JAG1: variants seen among roughly 807,000 people sequenced by gnomAD.
The protein encoded by JAG1 is jagged canonical Notch ligand 1.
In JAG1, 23 loss-of-function variants were observed where a neutral mutation model predicts 148.7. That is an observed-to-expected ratio of 0.15 (90% CI 0.11 to 0.22). The LOEUF (loss-of-function observed/expected upper bound fraction) is 0.22. Ranked by LOEUF, JAG1 falls within the 10% of genes least tolerant of loss-of-function variation. The pLI, the probability that JAG1 is intolerant of heterozygous loss-of-function variation, is 1.00. For missense variants in JAG1, 1,054 were observed against 1,611.2 expected (o/e 0.65, Z 5.92); for synonymous variants, 572 against 598.3 (o/e 0.96, Z 0.64).
chr20:10,673,346 G>C lies in JAG1; in HGVS notation c.81+104C>G. 3 of 871,748 alleles carry C rather than the reference G, an allele frequency of 3.4e-6. No homozygotes were observed. The highest frequency in any genetic ancestry group is 5.2e-6 in the Non-Finnish European group (3 of 581,164). 54.0% of individuals were successfully genotyped at this position (871,748 alleles called of 1,614,324 possible). ...GCTCGGGCGCAGGGGCGAGGAGTCGGGCGCTCGAGGGCTGCCGAGCCTGCT... is the reference window on the plus strand; with the variant it reads ...GCTCGGGCGCAGGGGCGAGGAGTCGCGCGCTCGAGGGCTGCCGAGCCTGCT... On this transcript the variant is annotated intron_variant, in intron 1 of 25. Coordinates refer to ENST00000254958, the MANE Select transcript of JAG1 (RefSeq NM_000214.3). This position sits in a 1 kb window ranked among gnomAD's most constrained non-coding sequence, Gnocchi z 4.7.
rs2122611723 is a variant in JAG1, at chr20:10,650,369, CAAGAA to C, written c.1121-14_1121-10del. ...AGAACAGTCATCAATGTCTGGTCAA[CAAGAA>C]AAGGAGGGGGTTGACAATTTAATTC... On this transcript the variant is annotated splice_polypyrimidine_tract_variant and intron_variant, in intron 8 of 25. Transcript: ENST00000254958. 1 of 1,500,464 alleles carries C rather than the reference CAAGAA, an allele frequency of 6.7e-7. No homozygotes were observed. The highest frequency in any genetic ancestry group is 9.3e-7 in the Non-Finnish European group (1 of 1,077,128). 92.9% of individuals were successfully genotyped at this position (1,500,464 alleles called of 1,614,324 possible). A position where few individuals can be genotyped will look rare whatever the true frequency, so the allele number is the denominator to read the frequency against.
At chr20:10,647,211 G>T (rs2067315418) in intron 13 of JAG1, 108 bp from the exon 14 acceptor site, 2 of 1,317,546 alleles carry the variant, frequency 1.5e-6, no homozygotes, top group Non-Finnish European at 2.2e-6. Flanking sequence ...GGACCCTCTG[G>T]CTAATGAGAC....
At chr20:10,671,657 G>A (rs1185828579) in intron 2 of JAG1, among the ~76,000 whole-genome samples, 1 of 152,100 alleles carries the variant, frequency 6.6e-6, no homozygotes, top group African/African-American at 2.4e-5. Context: ...GCTAGGCCAA[G>A]CCCCAGTCTT....
chr20:10,668,608 C>A (rs2067473414), intron 2 of JAG1, among the ~76,000 whole-genome samples: 1 of 152,084 alleles, frequency 6.6e-6, no homozygotes, highest in Admixed American at 6.5e-5. Context: ...CCAGCCAAGG[C>A]CTCTGGTTCA....
Position 10,640,903 on chromosome 20 carries a change from G to T in JAG1, c.3079C>A (p.Pro1027Thr). The change falls in exon 25 of 26, where the codon CCG becomes ACG. Residue 1027 changes from proline to threonine, a missense_variant. By Grantham distance (38) the Pro-to-Thr change is conservative. Coordinates refer to ENST00000254958, the MANE Select transcript of JAG1 (RefSeq NM_000214.3). ...SAEDIRDDGN[P>T]IKEITDKIID... Reference sequence around the variant, plus strand: ...ATTTTGTCAGTGATTTCCTTGATCGGGTTCCCATCATCCCGTATATCTTCA... The same window carrying T: ...ATTTTGTCAGTGATTTCCTTGATCGTGTTCCCATCATCCCGTATATCTTCA... 1 of 1,614,074 alleles carries T rather than the reference G, an allele frequency of 6.2e-7. No homozygotes were observed. The highest frequency in any genetic ancestry group is 1.1e-5 in the South Asian group (1 of 91,084).
In JAG1 at chr20:10,658,412, A is replaced by G. The variant is rs532941891; in HGVS notation, c.694+56T>C. 5.6e-6 allele frequency: 9 copies of G among 1,607,320 alleles called. No homozygotes were observed. In the East Asian group the frequency reaches 1.8e-4, roughly 32 times the overall value. On this transcript the variant is annotated intron_variant, in intron 4 of 25. Coordinates refer to ENST00000254958, the MANE Select transcript of JAG1 (RefSeq NM_000214.3). ...ATGCCACCTGCCTGCTGGTGGGGTGATAAATGGACACTAAAAGCAACAGGC... is the reference window on the plus strand; with the variant it reads ...ATGCCACCTGCCTGCTGGTGGGGTGGTAAATGGACACTAAAAGCAACAGGC...
At position 10,673,132 on chromosome 20, in the gene JAG1, A is replaced by G. The variant is rs2067509607; in HGVS notation, c.82-126T>C. On this transcript the variant is annotated intron_variant, in intron 1 of 25. Transcript: ENST00000254958. This position sits in a 1 kb window ranked among gnomAD's most constrained non-coding sequence, Gnocchi z 4.7. Reference sequence around the variant, plus strand: ...CTCGCCGAGTGAAAATAATTTTGCGAAACTACGTTCAAGGACTCAACATGA... The same window carrying G: ...CTCGCCGAGTGAAAATAATTTTGCGGAACTACGTTCAAGGACTCAACATGA... 1 of 898,380 alleles carries G rather than the reference A, an allele frequency of 1.1e-6. No homozygotes were observed. The highest frequency in any genetic ancestry group is 1.6e-5 in the African/African-American group (1 of 60,772). 55.7% of individuals were successfully genotyped at this position (898,380 alleles called of 1,614,324 possible).
Position 10,649,607 on chromosome 20 carries a change from A to G in JAG1, c.1263T>C (p.Cys421=), listed in dbSNP as rs1261578129. 1 of 1,613,588 alleles carries G rather than the reference A, an allele frequency of 6.2e-7. No individual in the cohort carries two copies. The highest frequency in any genetic ancestry group is 1.3e-5 in the African/African-American group (1 of 75,044). Residue 421 remains cysteine, a synonymous_variant, in exon 10 of 26, where the codon TGT becomes TGC. Coordinates refer to ENST00000254958, the MANE Select transcript of JAG1 (RefSeq NM_000214.3). ...LDANECEAKP[C]VNAKSCKNLI... ...GATTCTTACAGGATTTGGCGTTTAC[A>G]CAAGGTTTGGCCTCACATTCATTTG...
In JAG1 at chr20:10,664,021, GACAA is replaced by G. The variant is rs750004416; in HGVS notation, c.388-11_388-8del. 38 of 1,612,916 alleles carry G rather than the reference GACAA, an allele frequency of 2.4e-5. No homozygotes were observed. The South Asian group carries it at 2.6e-4, about 11-fold the overall frequency. On this transcript the variant is annotated splice_polypyrimidine_tract_variant and splice_region_variant and intron_variant, in intron 2 of 25. Transcript: ENST00000254958. ...CAAGCAACGTATAGGACCTCTGCAAGACAAACAAACAATTTAGCAATTCAGAAAC... is the reference window on the plus strand; with the variant it reads ...CAAGCAACGTATAGGACCTCTGCAAGACAAACAATTTAGCAATTCAGAAAC...
intron 2 of JAG1, among the ~76,000 whole-genome samples, chr20:10,671,352 G>A (rs902258950): frequency 5.3e-5 from 8 of 151,060 alleles, no homozygotes; most frequent in African/African-American, 2.0e-4. Context: ...AGACAGCGTT[G>A]GTTTTAATTT....
intron 3 of JAG1, 131 bp from the exon 4 acceptor site, chr20:10,658,853 GAA>G: frequency 9.8e-7 from 1 of 1,025,308 alleles, no homozygotes; most frequent in East Asian, 2.5e-5. Flanking sequence ...GCAAAGAAAT[GAA>G]AAGTTTATGC....
At chr20:10,648,498 C>A in intron 12 of JAG1, 51 bp downstream of exon 12, 1 of 1,469,250 alleles carries the variant, frequency 6.8e-7, no homozygotes. Context: ...GCGGAGGAGG[C>A]AGCGGCTCTG....
At position 10,642,611 on chromosome 20, in the gene JAG1, A is replaced by G. The variant is rs1234771905; in HGVS notation, c.2459-10T>C. ...TGGCATTCATTGATGTCTAGGAGAA[A>G]TGGAGTTCAAGTTTAGGGACTGATG... On this transcript the variant is annotated splice_polypyrimidine_tract_variant and intron_variant, in intron 20 of 25. Coordinates refer to ENST00000254958, the MANE Select transcript of JAG1 (RefSeq NM_000214.3). The G allele has an allele frequency of 2.6e-6, 4 of 1,550,182 alleles. No homozygotes were observed. The highest frequency in any genetic ancestry group is 1.7e-5 in the Admixed American group (1 of 59,948).
intron 3 of JAG1, among the ~76,000 whole-genome samples, chr20:10,660,696 C>G (rs1203090891): frequency 6.6e-6 from 1 of 152,162 alleles, no homozygotes; most frequent in African/African-American, 2.4e-5. Context: ...CACACCTGCT[C>G]AGGGAGGGGG....
chr20:10,657,717 A>G (rs997729361), intron 4 of JAG1, among the ~76,000 whole-genome samples: 1 of 152,224 alleles, frequency 6.6e-6, no homozygotes, highest in Non-Finnish European at 1.5e-5. Context: ...ACTGAATTCT[A>G]TAAAGGGACT....
At chr20:10,642,825 T>C (rs550676219) in intron 20 of JAG1, among the ~76,000 whole-genome samples, 5 of 152,294 alleles carry the variant, frequency 3.3e-5, no homozygotes, top group African/African-American at 9.6e-5. Context: ...GAGAACCATT[T>C]TGGGAGGCAG....
chr20:10,671,447 C>T (rs2067494188), intron 2 of JAG1, among the ~76,000 whole-genome samples: 1 of 152,144 alleles, frequency 6.6e-6, no homozygotes, highest in South Asian at 2.1e-4. Context: ...AATGCCAGCT[C>T]CTGTAATCGT....
chr20:10,673,811 C>A lies in JAG1; in HGVS notation c.-281G>T. On this transcript the variant is annotated 5_prime_UTR_variant, in exon 1 of 26. Coordinates refer to ENST00000254958, the MANE Select transcript of JAG1 (RefSeq NM_000214.3). This position sits in a 1 kb window ranked among gnomAD's most constrained non-coding sequence, Gnocchi z 4.7. The stretch of plus-strand genomic sequence containing the variant: ...TTCCACCTCCCGGCTTTCTTTCCTT[C>A]TCTCGCGCTCCCCTTCTTTTATTAT... 4.7e-6 allele frequency: 1 copy of A among 211,540 alleles called. No individual in the cohort carries two copies. 13.1% of individuals were successfully genotyped at this position (211,540 alleles called of 1,614,324 possible).
intron 12 of JAG1, 24 bp from the exon 13 acceptor site, chr20:10,648,134 A>G (rs2067322116): frequency 1.2e-6 from 2 of 1,613,966 alleles, no homozygotes; most frequent in Non-Finnish European, 8.5e-7. Context: ...GAACAGCGAA[A>G]AGGGGGAGGG....
Sources: gnomAD v4.1 joint callset for allele counts (sites outside exome capture counted in the v4.1 genomes callset) on GRCh38, gnomAD v4.1.1 for gene constraint, Gnocchi (gnomAD v3.1) non-coding constraint, MANE v1.5 for transcripts, NCBI Gene and HGNC (gene_info 2026-07-23, HGNC 2026-07-21) for gene names.